The following ST8SIA5 variants were observed in gnomAD, a reference collection of about 807,000 sequenced individuals.
ST8SIA5 encodes the protein ST8 alpha-N-acetyl-neuraminide alpha-2,8-sialyltransferase 5, also known as alpha-2,8-sialyltransferase 8E.
ST8SIA5 carries 24 observed loss-of-function variants against 40.2 expected under a neutral mutation model. The observed-to-expected ratio is 0.60, with a 90% CI of 0.43 to 0.84. The LOEUF (loss-of-function observed/expected upper bound fraction) is 0.84, where lower values mean the gene tolerates loss of function less well. Among genes scored for constraint, ST8SIA5 ranks in the 40% least tolerant of loss-of-function variants. ST8SIA5 has a pLI of 0.00. For missense variants in ST8SIA5, 465 were observed against 498.5 expected (o/e 0.93, Z 0.64); for synonymous variants, 198 against 201.8 (o/e 0.98, Z 0.16).
rs935507486 is a variant in ST8SIA5, at chr18:46,756,567, G to C, written c.-59C>G. The C allele has an allele frequency of 5.1e-6, 8 of 1,578,166 alleles. No homozygotes were observed. In the South Asian group the frequency reaches 9.1e-5, roughly 18 times the overall value. ...GGGCGGCCAGGCAATGACTCGCGGG[G>C]TTCCGGGGCCCCGGGGGGCGCGCGG... On this transcript the variant is annotated 5_prime_UTR_variant, in exon 1 of 7. Transcript: ENST00000315087.
chr18:46,689,785 TG>T (rs1680179355), intron 3 of ST8SIA5, among the ~76,000 whole-genome samples: 1 of 151,238 alleles, frequency 6.6e-6, no homozygotes, highest in African/African-American at 2.4e-5. Flanking sequence ...TTCTCCATGT[TG>T]GCCAGGCTGG....
chr18:46,730,470 A>G (rs2039975223), intron 1 of ST8SIA5: 1 of 156,386 alleles, frequency 6.4e-6, no homozygotes, highest in Non-Finnish European at 1.4e-5. Flanking sequence ...AAGATAATGG[A>G]GTGGTTGATG....
chr18:46,692,294 G>C (rs1473955744), intron 2 of ST8SIA5, 39 bp from the exon 3 acceptor site: 1 of 1,593,900 alleles, frequency 6.3e-7, no homozygotes, highest in South Asian at 1.1e-5. Flanking sequence ...GAGCAGGGTA[G>C]GCGGGACAGA....
chr18:46,730,113 G>C, intron 1 of ST8SIA5: 6 of 962,376 alleles, frequency 6.2e-6, no homozygotes, highest in Non-Finnish European at 7.4e-6. Flanking sequence ...TCACAAACCT[G>C]CAGCTGCCAT....
intron 3 of ST8SIA5, among the ~76,000 whole-genome samples, chr18:46,690,707 G>A (rs560325759): frequency 1.7e-4 from 24 of 143,024 alleles, no homozygotes; most frequent in African/African-American, 5.2e-4. Context: ...TCCACCTCCC[G>A]GGTTCAAGCA....
chr18:46,716,602 G>T (rs62097204), intron 1 of ST8SIA5, among the ~76,000 whole-genome samples: 24,205 of 152,258 alleles, frequency 0.16, 2,018 homozygotes, highest in South Asian at 0.23. Context: ...GTATGGAAAG[G>T]GGGCCAGTGA....
At chr18:46,737,170 A>G (rs1173750759) in intron 1 of ST8SIA5, among the ~76,000 whole-genome samples, 2 of 152,098 alleles carry the variant, frequency 1.3e-5, no homozygotes, top group Non-Finnish European at 1.5e-5. Flanking sequence ...TCCTGCCTCA[A>G]CACCTCAGCC....
Position 46,718,023 on chromosome 18 carries a change from T to C in ST8SIA5, c.132-13359A>G, listed in dbSNP as rs114872382. On this transcript the variant is annotated intron_variant, in intron 1 of 6. Coordinates refer to ENST00000315087, the MANE Select transcript of ST8SIA5 (RefSeq NM_013305.6). ...TGCAAAACACCCACTTAAATAGAAATATTTGCTGATTGAAAATTATTCCGG... is the reference window on the plus strand; with the variant it reads ...TGCAAAACACCCACTTAAATAGAAACATTTGCTGATTGAAAATTATTCCGG... 2.6e-3 allele frequency among the ~76,000 whole-genome samples: 393 copies of C among 152,262 alleles called. 3 individuals are homozygous for C. Among genetic ancestry groups the C allele is most frequent in the African/African-American group, 8.9e-3 (370 of 41,554 alleles).
At position 46,746,851 on chromosome 18, in the gene ST8SIA5, A is replaced by C. The variant is rs2040145566; in HGVS notation, c.131+9527T>G. On this transcript the variant is annotated intron_variant, in intron 1 of 6. Transcript: ENST00000315087. ...AAGGCTACAGTAACCAAAACAGCATAGTACTGGTATCAAAACAGATATATA... is the reference window on the plus strand; with the variant it reads ...AAGGCTACAGTAACCAAAACAGCATCGTACTGGTATCAAAACAGATATATA... Among the ~76,000 whole-genome samples the C allele has an allele frequency of 3.3e-5, 5 of 152,184 alleles. No individual in the cohort carries two copies. In the South Asian group the frequency reaches 1.0e-3, roughly 31 times the overall value.
At chr18:46,728,096 G>A (rs1227141979) in intron 1 of ST8SIA5, among the ~76,000 whole-genome samples, 1 of 151,846 alleles carries the variant, frequency 6.6e-6, no homozygotes, top group Non-Finnish European at 1.5e-5. Flanking sequence ...TCAGGAGGCT[G>A]AGGCAGGAGA....
chr18:46,706,394 G>T (rs973021958), intron 1 of ST8SIA5, among the ~76,000 whole-genome samples: 4 of 152,132 alleles, frequency 2.6e-5, no homozygotes, highest in Non-Finnish European at 5.9e-5. Context: ...TAACCACACT[G>T]CTGGGAAGCC....
rs1568244017 is a variant in ST8SIA5 at position 46,673,483 on chromosome 18, A to G, written c.*6559T>C. On this transcript the variant is annotated 3_prime_UTR_variant, in exon 7 of 7. Coordinates refer to ENST00000315087, the MANE Select transcript of ST8SIA5 (RefSeq NM_013305.6). ...CTCAACTGGTGGCAACTTCTGAACC[A>G]CAAGCAGTTGTATGCTCAGGGAACA... 6.6e-6 allele frequency: 1 copy of G among 152,094 alleles called. No homozygotes were observed. Among genetic ancestry groups the G allele is most frequent in the East Asian group, 2.0e-4 (1 of 5,106 alleles). 9.4% of individuals were successfully genotyped at this position (152,094 alleles called of 1,614,324 possible).
At chr18:46,752,889 T>G (rs2144576480) in intron 1 of ST8SIA5, among the ~76,000 whole-genome samples, 1 of 152,312 alleles carries the variant, frequency 6.6e-6, no homozygotes, top group East Asian at 1.9e-4. Context: ...CACTGGGCTG[T>G]GACAGTACCT....
rs2039861270 is a variant in ST8SIA5 at position 46,721,353 on chromosome 18, G to C, written c.132-16689C>G. ...CCCCCACTCCCTGGCCTTTTGCCGG[G>C]GTCTGTACCTGGAGCTGGAGTCACT... is the stretch of plus-strand genomic sequence containing the variant. On this transcript the variant is annotated intron_variant, in intron 1 of 6. Coordinates refer to ENST00000315087, the MANE Select transcript of ST8SIA5 (RefSeq NM_013305.6). 3 of 1,535,806 alleles carry C rather than the reference G, an allele frequency of 2.0e-6. No homozygotes were observed. In the Admixed American group the frequency reaches 5.9e-5, roughly 30 times the overall value.
At chr18:46,681,258 A>G (rs183275349) in intron 6 of ST8SIA5, among the ~76,000 whole-genome samples, 161 of 152,198 alleles carry the variant, frequency 1.1e-3, no homozygotes, top group African/African-American at 3.6e-3. Flanking sequence ...GGTTATAGGC[A>G]TGAGCCACCA....
chr18:46,738,251 CA>C (rs10645121), intron 1 of ST8SIA5, among the ~76,000 whole-genome samples: 72 of 138,852 alleles, frequency 5.2e-4, no homozygotes, highest in South Asian at 2.8e-3. Context: ...ATAGAAATGT[CA>C]AAAAAAAAAA....
intron 1 of ST8SIA5, among the ~76,000 whole-genome samples, chr18:46,719,940 G>A (rs2039844465): frequency 6.6e-6 from 1 of 151,574 alleles, no homozygotes; most frequent in East Asian, 1.9e-4. Context: ...CCAGGTTCAA[G>A]CTATTCTCCC....
chr18:46,726,364 A>G, intron 1 of ST8SIA5, among the ~76,000 whole-genome samples: 1 of 152,120 alleles, frequency 6.6e-6, no homozygotes, highest in East Asian at 1.9e-4. Context: ...AATGCTCACC[A>G]TAAAATTGAG....
chr18:46,714,653 A>G (rs1410233524), intron 1 of ST8SIA5, among the ~76,000 whole-genome samples: 1 of 152,024 alleles, frequency 6.6e-6, no homozygotes, highest in Admixed American at 6.5e-5. Context: ...ACCTAGGCCC[A>G]CTCAGAGAAC....
Sources: gnomAD v4.1 joint callset for allele counts (sites outside exome capture counted in the v4.1 genomes callset) on GRCh38, gnomAD v4.1.1 for gene constraint, MANE v1.5 for transcripts, NCBI Gene and HGNC (gene_info 2026-07-23, HGNC 2026-07-21) for gene names.